Variants in ACCS observed in about 807,000 individuals in gnomAD.
ACCS encodes the protein 1-aminocyclopropane-1-carboxylate synthase homolog (inactive), also known as 1-aminocyclopropane-1-carboxylate synthase-like protein 1.
Under a neutral mutation model 59.8 loss-of-function variants are expected in ACCS, and 42 were observed. That is an observed-to-expected ratio of 0.70 (90% confidence interval 0.55 to 0.91). The LOEUF (loss-of-function observed/expected upper bound fraction) is 0.91, where lower values mean the gene tolerates loss of function less well. Ranked by LOEUF, ACCS falls within the 40% of genes least tolerant of loss-of-function variation. The pLI is 0.00. For missense variants in ACCS, 602 were observed against 630.4 expected (o/e 0.95, Z 0.48); for synonymous variants, 230 against 240.3 (o/e 0.96, Z 0.40).
rs766722016 is a variant in ACCS, at chr11:44,073,471, G to A, written c.373G>A (p.Val125Met). ...GCTGAGTCAGCGCGACATGCAGAGG[G>A]TGGAGCCATCCCTGCTGCAGTATGC... Reference protein sequence around the residue: ...WRLSQRDMQRVEPSLLQYADW... With the variant: ...WRLSQRDMQRMEPSLLQYADW... The change falls in exon 4 of 15, where the codon GTG (valine) becomes ATG (methionine). Residue 125 changes from valine to methionine, a missense_variant. Coordinates refer to ENST00000263776, the MANE Select transcript of ACCS (RefSeq NM_032592.4). The A allele has an allele frequency of 3.1e-6, 5 of 1,609,128 alleles. No homozygotes were observed. The African/African-American group carries it at 6.7e-5, about 21-fold the overall frequency.
chr11:44,068,514 A>C (rs1056263551), intron 2 of ACCS, among the ~76,000 whole-genome samples: 3 of 152,198 alleles, frequency 2.0e-5, no homozygotes, highest in Non-Finnish European at 4.4e-5. Context: ...CTGAGGTGGA[A>C]GGATTGCTTG....
At chr11:44,080,631 T>G in intron 10 of ACCS, 1 of 231,286 alleles carries the variant, frequency 4.3e-6, no homozygotes, top group Non-Finnish European at 8.5e-6. Flanking sequence ...AGCCATTGGA[T>G]TATGGCCATC....
chr11:44,074,864 A>G (rs178522), intron 5 of ACCS, among the ~76,000 whole-genome samples, 183 bp downstream of exon 5: 104,832 of 140,014 alleles, frequency 0.75, 39,402 homozygotes, highest in East Asian at 0.91. Flanking sequence ...TTGCTCTGTC[A>G]CCCAGACTGG....
rs990497592 is a variant in ACCS, at chr11:44,081,691, C to T, written c.1111+371C>T. ...GAGCACCTAAAAAACAGAGCAGGGT[C>T]GAGCATGGAGGTTCATGCCTGTAAT... On this transcript the variant is annotated intron_variant, in intron 12 of 14. Coordinates refer to ENST00000263776, the MANE Select transcript of ACCS (RefSeq NM_032592.4). Among the ~76,000 whole-genome samples the T allele has an allele frequency of 5.9e-5, 9 of 152,256 alleles. No individual in the cohort carries two copies. The South Asian group carries it at 1.0e-3, about 18-fold the overall frequency.
chr11:44,077,337 T>A lies in ACCS; in HGVS notation c.615T>A (p.Tyr205Ter). Reference sequence around the variant, plus strand: ...CTATCACACAGCACGTGTGTCTCTATGGCAACATCCGGCTGGCCTATGTCT... The same window carrying A: ...CTATCACACAGCACGTGTGTCTCTAAGGCAACATCCGGCTGGCCTATGTCT... ...YGAITQHVCL[Y>*]GNIRLAYVYL... The change falls in exon 7 of 15, where the codon TAT (tyrosine) becomes TAA (stop). Residue 205 changes from tyrosine to a stop codon, truncating the protein, a stop_gained. Transcript: ENST00000263776. LOFTEE classifies it high-confidence loss of function. The A allele has an allele frequency of 6.2e-7, 1 of 1,614,182 alleles. No individual in the cohort carries two copies. The highest frequency in any genetic ancestry group is 8.5e-7 in the Non-Finnish European group (1 of 1,180,026).
At chr11:44,067,294 G>A in intron 1 of ACCS, 1 of 224,672 alleles carries the variant, frequency 4.5e-6, no homozygotes, top group Non-Finnish European at 8.8e-6. Context: ...TTTGGTAATT[G>A]AGGTGAGCAA....
In ACCS at chr11:44,067,826, G is replaced by A; in HGVS notation, c.199G>A (p.Gly67Arg). Residue 67 changes from glycine to arginine, a missense_variant, in exon 2 of 15, where the codon GGA becomes AGA. Gly to Arg is a moderately radical substitution (Grantham distance 125). Transcript: ENST00000263776. ...TGATACCTCCTACCTGTCCTCTAGA[G>A]GAAGAATGATTAAATGGTTCTGGGA... ...SSDTSYLSSRGRMIKWFWDSA... is the reference protein window; with the variant it reads ...SSDTSYLSSRRRMIKWFWDSA... 2.5e-6 allele frequency: 4 copies of A among 1,614,082 alleles called. No homozygotes were observed. The South Asian group carries it at 4.4e-5, about 18-fold the overall frequency.
chr11:44,078,004 C>T, intron 8 of ACCS, 82 bp downstream of exon 8: 10 of 1,499,222 alleles, frequency 6.7e-6, no homozygotes, highest in Non-Finnish European at 9.0e-6. Context: ...GACTGATCTC[C>T]TCCCGGGAGT....
chr11:44,078,716 C>T lies in ACCS; in HGVS notation c.765C>T (p.Ser255=), dbSNP rs748003786. 3.7e-6 allele frequency: 6 copies of T among 1,613,956 alleles called. No homozygotes were observed. The East Asian group carries it at 1.1e-4, about 30-fold the overall frequency. The part of the protein sequence containing the change: ...GVKVKGLILI[S]PQNPLGDVYS... ...AGGTCAAAGGCCTCATCCTCATCAG[C>T]CCCCAGAACCCTCTGGGTGATGTAT... The change falls in exon 9 of 15, where the codon AGC becomes AGT. Residue 255 remains serine, a synonymous_variant. Coordinates refer to ENST00000263776, the MANE Select transcript of ACCS (RefSeq NM_032592.4).
At chr11:44,071,186 TG>T in intron 2 of ACCS, 69 bp from the exon 3 acceptor site, 2 of 1,551,832 alleles carry the variant, frequency 1.3e-6, no homozygotes, top group Non-Finnish European at 1.8e-6. Flanking sequence ...GCTGCCTCCA[TG>T]GGCTCCTGGG....
In ACCS at chr11:44,077,573, T is replaced by C. The variant is rs1322158729; in HGVS notation, c.654+197T>C. The stretch of plus-strand genomic sequence containing the variant: ...GTTCCAGTCTCTGAGATCCCTGGGG[T>C]TGATGTAGAAGCCAAGAGCCAGACC... On this transcript the variant is annotated intron_variant, in intron 7 of 14. Transcript: ENST00000263776. 3.5e-6 allele frequency: 5 copies of C among 1,438,902 alleles called. No homozygotes were observed. In the East Asian group the frequency reaches 1.0e-4, roughly 29 times the overall value. The allele number at this position is 1,438,902 out of a possible 1,614,324, so 89.1% of individuals were successfully genotyped here. A position where few individuals can be genotyped will look rare whatever the true frequency, so the allele number is the denominator to read the frequency against.
chr11:44,080,834 G>A (rs953452246), intron 10 of ACCS, 186 bp from the exon 11 acceptor site: 7 of 647,224 alleles, frequency 1.1e-5, no homozygotes, highest in East Asian at 8.2e-5. Context: ...TTTGGCCCGC[G>A]GGCTGTCATT....
chr11:44,081,194 G>C lies in ACCS; in HGVS notation c.985G>C (p.Gly329Arg), dbSNP rs757462274. ...WATSKDFGMS[G>R]LRFGTLYTEN... ...CTTCCTGCAGGACTTCGGGATGTCTGGGCTCCGCTTTGGCACGCTGTACAC... is the reference window on the plus strand; with the variant it reads ...CTTCCTGCAGGACTTCGGGATGTCTCGGCTCCGCTTTGGCACGCTGTACAC... Residue 329 changes from glycine (G) to arginine (R), a missense_variant, in exon 12 of 15, where the codon GGG becomes CGG. Transcript: ENST00000263776. 3 of 1,614,110 alleles carry C rather than the reference G, an allele frequency of 1.9e-6. No individual in the cohort carries two copies. The highest frequency in any genetic ancestry group is 2.5e-6 in the Non-Finnish European group (3 of 1,180,046).
intron 8 of ACCS, 95 bp downstream of exon 8, chr11:44,078,017 G>A (rs1953460931): frequency 6.9e-7 from 1 of 1,440,138 alleles, no homozygotes. Context: ...CCGGGAGTAG[G>A]GTTGATACCC....
chr11:44,077,872 C>A lies in ACCS; in HGVS notation c.682C>A (p.Gln228Lys). 1 of 1,614,040 alleles carries A rather than the reference C, an allele frequency of 6.2e-7. No homozygotes were observed. Among genetic ancestry groups the A allele is most frequent in the Non-Finnish European group, 8.5e-7 (1 of 1,179,956 alleles). Residue 228 changes from glutamine to lysine, a missense_variant, in exon 8 of 15, where the codon CAG (glutamine) becomes AAG (lysine). By Grantham distance (53) the Gln-to-Lys change is moderately conservative. Coordinates refer to ENST00000263776, the MANE Select transcript of ACCS (RefSeq NM_032592.4). ...EVTGLDTRPF[Q>K]LTVEKLEMAL... is the part of the protein sequence containing the mutation. ...CACTGGGCTAGACACACGCCCCTTC[C>A]AGCTCACAGTGGAGAAGCTGGAGAT...
Position 44,067,746 on chromosome 11 carries a change from T to C in ACCS, c.119T>C (p.Leu40Pro). 6.2e-7 allele frequency: 1 copy of C among 1,614,230 alleles called. No homozygotes were observed. Among genetic ancestry groups the C allele is most frequent in the Non-Finnish European group, 8.5e-7 (1 of 1,180,046 alleles). The change falls in exon 2 of 15, where the codon CTG becomes CCG. Residue 40 changes from leucine to proline, a missense_variant. Leu to Pro is a moderately conservative substitution (Grantham distance 98). Coordinates refer to ENST00000263776, the MANE Select transcript of ACCS (RefSeq NM_032592.4). ...EDLEGECSRK[L>P]DQKLPELRGV... ...CTGGAAGGAGAATGCTCCAGAAAAC[T>C]GGACCAGAAGCTGCCAGAGCTCCGT...
rs1565180707 is a variant in ACCS at position 44,078,710 on chromosome 11, C to A, written c.759C>A (p.Leu253=). 6.2e-7 allele frequency: 1 copy of A among 1,614,100 alleles called. No homozygotes were observed. The highest frequency in any genetic ancestry group is 8.5e-7 in the Non-Finnish European group (1 of 1,180,020). ...GTGTGAAGGTCAAAGGCCTCATCCT[C>A]ATCAGCCCCCAGAACCCTCTGGGTG... is the stretch of plus-strand genomic sequence containing the variant. ...SEGVKVKGLI[L]ISPQNPLGDV... is the part of the protein sequence containing the mutation. Residue 253 remains leucine (L), a synonymous_variant, in exon 9 of 15, where the codon CTC becomes CTA. Transcript: ENST00000263776.
rs182095639 is a variant in ACCS, at chr11:44,069,509, G to T, written c.288+1594G>T. ...TGGGATTACAGGCATGAGCCACCGC[G>T]CCTGGCCAAGCCACCGTGCCAGTCC... On this transcript the variant is annotated intron_variant, in intron 2 of 14. Transcript: ENST00000263776. Among the ~76,000 whole-genome samples, 67 of 152,278 alleles carry T rather than the reference G, an allele frequency of 4.4e-4. 1 individual carries two copies. The highest frequency in any genetic ancestry group is 1.5e-3 in the African/African-American group (62 of 41,554).
chr11:44,072,497 C>G (rs900371583), intron 3 of ACCS: 1 of 151,968 alleles, frequency 6.6e-6, no homozygotes, highest in Non-Finnish European at 1.5e-5. Flanking sequence ...AAAGCCAGCT[C>G]CTCCTTCTAA....
Sources: gnomAD v4.1 joint callset for allele counts (sites outside exome capture counted in the v4.1 genomes callset) on GRCh38, gnomAD v4.1.1 for gene constraint, MANE v1.5 for transcripts, NCBI Gene and HGNC (gene_info 2026-07-23, HGNC 2026-07-21) for gene names.